SUCLG2: variants seen among roughly 807,000 people sequenced by gnomAD.
The protein encoded by SUCLG2 is succinate--CoA ligase [GDP-forming] subunit beta, mitochondrial.
A neutral mutation model predicts 47.9 loss-of-function variants in SUCLG2; 42 were observed. The observed-to-expected ratio is 0.88, with a 90% CI of 0.69 to 1.14. SUCLG2 has a LOEUF of 1.14. SUCLG2 is among the 50% of genes most tolerant of loss of function. The probability of loss-of-function intolerance (pLI) is 0.00; values close to 1 mark genes in which losing one functional copy is unlikely to be tolerated. For missense variants in SUCLG2, 571 were observed against 525.9 expected, an observed-to-expected ratio of 1.09 and a Z score of -0.84; for synonymous variants, 195 against 197.3, an observed-to-expected ratio of 0.99 and a Z score of 0.10.
chr3:67,360,764 A>T, exon 11 of SUCLG2: 4 of 1,512,894 alleles, frequency 2.6e-6, no homozygotes, highest in Non-Finnish European at 3.5e-6. Flanking sequence ...TTTCCATAAA[A>T]GTACCTGAAA....
chr3:67,627,759 C>T (rs778134577), intron 1 of SUCLG2, among the ~76,000 whole-genome samples: 4 of 152,216 alleles, frequency 2.6e-5, no homozygotes, highest in Non-Finnish European at 4.4e-5. Context: ...GAGCTGGTTT[C>T]AAGACTAGCT....
intron 10 of SUCLG2, among the ~76,000 whole-genome samples, chr3:67,380,635 T>C (rs897892251): frequency 3.3e-5 from 5 of 151,982 alleles, no homozygotes; most frequent in Non-Finnish European, 5.9e-5. Flanking sequence ...ATGGGTCATA[T>C]GCAGAGCCAT....
intron 2 of SUCLG2, among the ~76,000 whole-genome samples, chr3:67,586,315 C>T (rs1175338994): frequency 6.6e-6 from 1 of 152,216 alleles, no homozygotes; most frequent in African/African-American, 2.4e-5. Context: ...ACCAGTTAAC[C>T]TCAGAGGGCT....
rs564685581 is a variant in SUCLG2, at chr3:67,653,531, T to TA, written c.84+971dup. 1.2e-4 allele frequency among the ~76,000 whole-genome samples: 18 copies of TA among 152,352 alleles called. No homozygotes were observed. In the South Asian group the frequency reaches 3.3e-3, roughly 28 times the overall value. The stretch of plus-strand genomic sequence containing the variant: ...ATTAATCACTATTTTTTAAATTTTC[T>TA]AAAAAACTATACTATGCACATCCTG... On this transcript the variant is annotated intron_variant, in intron 1 of 10. Transcript: ENST00000307227.
intron 10 of SUCLG2, among the ~76,000 whole-genome samples, chr3:67,377,082 C>CTTAT (rs1702048748): frequency 6.6e-6 from 1 of 152,214 alleles, no homozygotes. Context: ...TGCTAAGTAA[C>CTTAT]TTATACACAG....
chr3:67,388,278 C>T (rs9683384), intron 10 of SUCLG2, among the ~76,000 whole-genome samples: 31,966 of 152,058 alleles, frequency 0.21, 3,864 homozygotes, highest in African/African-American at 0.32. Flanking sequence ...TCCTCTCTTA[C>T]CGTAAGAATC....
chr3:67,586,637 T>C (rs894190603), intron 2 of SUCLG2, among the ~76,000 whole-genome samples: 10 of 152,322 alleles, frequency 6.6e-5, no homozygotes, highest in Admixed American at 2.0e-4. Context: ...CTTCTTCTAT[T>C]TTTATATGTT....
At chr3:67,390,682 A>C (rs151229438) in intron 10 of SUCLG2, among the ~76,000 whole-genome samples, 439 of 152,228 alleles carry the variant, frequency 2.9e-3, no homozygotes, top group African/African-American at 9.9e-3. Flanking sequence ...GAAACGTATA[A>C]AAACCTTGGC....
intron 9 of SUCLG2, among the ~76,000 whole-genome samples, chr3:67,433,540 C>T (rs1298675659): frequency 6.6e-6 from 1 of 152,042 alleles, no homozygotes; most frequent in Non-Finnish European, 1.5e-5. Context: ...GACTGAGTGA[C>T]CTTTCTTTTT....
chr3:67,612,041 G>C (rs1293412443), intron 1 of SUCLG2, among the ~76,000 whole-genome samples: 3 of 152,138 alleles, frequency 2.0e-5, no homozygotes, highest in Non-Finnish European at 4.4e-5. Context: ...AAAACTTCAA[G>C]ACAACTCCAC....
chr3:67,563,754 T>C lies in SUCLG2; in HGVS notation c.227-34568A>G, dbSNP rs182292295. On this transcript the variant is annotated intron_variant, in intron 2 of 10. Transcript: ENST00000307227. ...GCGGGCAGATCACAAGGTCAGGAGA[T>C]CGAGACCATCCTGGTTAACACGGTG... Among the ~76,000 whole-genome samples, 3 of 152,006 alleles carry C rather than the reference T, an allele frequency of 2.0e-5. No homozygotes were observed. The East Asian group carries it at 5.8e-4, about 29-fold the overall frequency.
intron 10 of SUCLG2, among the ~76,000 whole-genome samples, chr3:67,378,182 G>T (rs1484861950): frequency 1.3e-5 from 2 of 152,168 alleles, no homozygotes; most frequent in Non-Finnish European, 2.9e-5. Flanking sequence ...TTCTAAAATG[G>T]TTTTCAAAGA....
intron 10 of SUCLG2, among the ~76,000 whole-genome samples, chr3:67,391,886 T>C (rs1310961087): frequency 6.6e-6 from 1 of 152,178 alleles, no homozygotes; most frequent in Admixed American, 6.5e-5. Context: ...CCATCTTCTA[T>C]TCTTTACTCA....
chr3:67,574,342 C>T (rs1216442885), intron 2 of SUCLG2, among the ~76,000 whole-genome samples: 1 of 152,192 alleles, frequency 6.6e-6, no homozygotes, highest in Non-Finnish European at 1.5e-5. Flanking sequence ...CTTTGGGGAA[C>T]TACTTTTCTA....
intron 10 of SUCLG2, among the ~76,000 whole-genome samples, chr3:67,386,174 C>T (rs1298512642): frequency 4.6e-5 from 7 of 152,074 alleles, no homozygotes; most frequent in African/African-American, 9.7e-5. Context: ...CTGCAAGCTC[C>T]GCCTCCCAGG....
intron 9 of SUCLG2, among the ~76,000 whole-genome samples, chr3:67,487,103 G>T (rs1189032770): frequency 2.0e-5 from 3 of 151,664 alleles, no homozygotes; most frequent in South Asian, 2.1e-4. Context: ...GAAATAAAAA[G>T]AATCTTATTA....
At chr3:67,636,595 A>G (rs994379018) in intron 1 of SUCLG2, among the ~76,000 whole-genome samples, 1 of 150,372 alleles carries the variant, frequency 6.7e-6, no homozygotes, top group Admixed American at 6.6e-5. Flanking sequence ...CTCGTGATCC[A>G]CCTGCCTCGG....
intron 9 of SUCLG2, among the ~76,000 whole-genome samples, chr3:67,476,894 T>C (rs1010348618): frequency 2.0e-5 from 3 of 152,146 alleles, no homozygotes; most frequent in Non-Finnish European, 2.9e-5. Context: ...CATGATTCCA[T>C]ACTTAGCAAA....
intron 9 of SUCLG2, among the ~76,000 whole-genome samples, chr3:67,423,237 CG>C (rs1575685380): frequency 6.6e-6 from 1 of 152,054 alleles, no homozygotes; most frequent in East Asian, 1.9e-4. Context: ...TGGCATTTCC[CG>C]TGCTTGCATT....
Sources: gnomAD v4.1 joint callset for allele counts (sites outside exome capture counted in the v4.1 genomes callset) on GRCh38, gnomAD v4.1.1 for gene constraint, MANE v1.5 for transcripts, NCBI Gene and HGNC (gene_info 2026-07-23, HGNC 2026-07-21) for gene names.